The following PPHLN1 variants were observed in gnomAD, a reference collection of about 807,000 sequenced individuals.
PPHLN1 encodes periphilin-1.
A neutral mutation model predicts 51.3 loss-of-function variants in PPHLN1; 29 were observed. The ratio of observed to expected loss-of-function variants is 0.57; its 90% CI spans 0.42 to 0.77. The LOEUF (loss-of-function observed/expected upper bound fraction) is 0.77, where lower values mean the gene tolerates loss of function less well. Among genes scored for constraint, PPHLN1 ranks in the 30% least tolerant of loss-of-function variants. The pLI, the probability that PPHLN1 is intolerant of heterozygous loss-of-function variation, is 0.00. For missense variants in PPHLN1, 436 were observed against 438.4 expected (o/e 0.99, Z 0.05); for synonymous variants, 147 against 147.8 (o/e 0.99, Z 0.04).
intron 1 of PPHLN1, among the ~76,000 whole-genome samples, chr12:42,328,868 C>A (rs2069205794): frequency 6.6e-6 from 1 of 151,976 alleles, no homozygotes; most frequent in Non-Finnish European, 1.5e-5. Flanking sequence ...TCCCACCATG[C>A]CTGGTTAATT....
At chr12:42,438,743 A>AG (rs1166131344) in intron 9 of PPHLN1, among the ~76,000 whole-genome samples, 1 of 152,164 alleles carries the variant, frequency 6.6e-6, no homozygotes, top group Non-Finnish European at 1.5e-5. Flanking sequence ...CTGGGATTAC[A>AG]GGCATGCGTC....
chr12:42,351,900 C>T lies in PPHLN1; in HGVS notation c.88C>T (p.Leu30=). The T allele has an allele frequency of 6.4e-7, 1 of 1,565,502 alleles. No individual in the cohort carries two copies. The highest frequency in any genetic ancestry group is 8.6e-7 in the Non-Finnish European group (1 of 1,163,602). ...RSHPSDGYNR[L]VNIVPKKPPL... ...TCTGTTTTAGGATGGCTACAATAGA[C>T]TAGTTAATATTGTGCCAAAGAAACC... Residue 30 remains leucine, a synonymous_variant, in exon 3 of 10, where the codon CTA becomes TTA. Transcript: ENST00000358314.
intron 9 of PPHLN1, among the ~76,000 whole-genome samples, chr12:42,430,794 A>C (rs2081971463): frequency 6.6e-6 from 1 of 152,176 alleles, no homozygotes; most frequent in African/African-American, 2.4e-5. Flanking sequence ...GTGCCTGGCC[A>C]ATACACTGTG....
chr12:42,363,564 G>A (rs2074950252), intron 4 of PPHLN1, among the ~76,000 whole-genome samples: 1 of 151,386 alleles, frequency 6.6e-6, no homozygotes, highest in Non-Finnish European at 1.5e-5. Flanking sequence ...GGAATCATTG[G>A]AAGCAACTAG....
chr12:42,348,276 A>ATTTTTTTTTTTTTTT (rs1213561958), intron 2 of PPHLN1, among the ~76,000 whole-genome samples: 1 of 85,608 alleles, frequency 1.2e-5, no homozygotes, highest in African/African-American at 4.9e-5. Flanking sequence ...CACCTGGCTA[A>ATTTTTTTTTTTTTTT]TTTTTTTTTT....
chr12:42,444,733 C>G, downstream of PPHLN1: 1 of 309,412 alleles, frequency 3.2e-6, no homozygotes, highest in South Asian at 5.4e-5. Flanking sequence ...ATAGCACTCT[C>G]TGATTATGCA....
At chr12:42,447,422 GCAGTTAGCACAGCACAGCTACCCCTTAC>G (rs999974504), downstream of PPHLN1, 1 of 152,112 alleles carries the variant, frequency 6.6e-6, no homozygotes, top group Non-Finnish European at 1.5e-5. Flanking sequence ...AAGCGAATAG[GCAGTTAGCACAGCACAGCTACCCCTTAC>G]CAAGCAGTCT....
At chr12:42,379,524 C>A (rs1407747177) in intron 5 of PPHLN1, among the ~76,000 whole-genome samples, 16 of 150,448 alleles carry the variant, frequency 1.1e-4, no homozygotes, top group Admixed American at 1.1e-3. Context: ...AGACCTTTTG[C>A]TTTCCTATTT....
intron 9 of PPHLN1, among the ~76,000 whole-genome samples, chr12:42,406,208 C>G (rs1290479462): frequency 6.6e-6 from 1 of 151,794 alleles, no homozygotes; most frequent in African/African-American, 2.4e-5. Flanking sequence ...CTCAGCCTCC[C>G]GAGTAGCTGG....
Position 42,401,662 on chromosome 12 carries a change from C to T in PPHLN1, c.909+2668C>T, listed in dbSNP as rs189327720. ...AGGTTGTGTGCCCTCTCACTCCTTC[C>T]GTGGAAAAAATTGTCTTCCTCAAAA... On this transcript the variant is annotated intron_variant, in intron 9 of 9. Coordinates refer to ENST00000358314, the MANE Select transcript of PPHLN1 (RefSeq NM_201439.2). Among the ~76,000 whole-genome samples the T allele has an allele frequency of 3.6e-3, 547 of 152,070 alleles. 5 individuals carry two copies. Among genetic ancestry groups the T allele is most frequent in the African/African-American group, 0.013 (530 of 41,484 alleles).
intron 4 of PPHLN1, among the ~76,000 whole-genome samples, chr12:42,373,871 A>C (rs2076011936): frequency 6.6e-6 from 1 of 152,250 alleles, no homozygotes; most frequent in South Asian, 2.1e-4. Flanking sequence ...ATGCACACTC[A>C]GCAAGAATTT....
intron 8 of PPHLN1, among the ~76,000 whole-genome samples, chr12:42,397,615 A>G (rs150780001): frequency 3.9e-4 from 60 of 152,282 alleles, no homozygotes; most frequent in African/African-American, 1.4e-3. Context: ...GCAGTAACAG[A>G]ACACCAGTGA....
chr12:42,355,536 A>AGACCAGCC (rs1034299115), intron 4 of PPHLN1: 5 of 211,056 alleles, frequency 2.4e-5, no homozygotes, highest in Non-Finnish European at 4.7e-5. Flanking sequence ...TAGGAGTTTG[A>AGACCAGCC]TACCAGCCTG....
intron 9 of PPHLN1, among the ~76,000 whole-genome samples, chr12:42,408,281 G>A (rs2079494787): frequency 6.6e-6 from 1 of 151,942 alleles, no homozygotes; most frequent in Admixed American, 6.6e-5. Flanking sequence ...TGAGGGAGGA[G>A]GTGGATCACT....
At chr12:42,444,534 C>T (rs2083191075), downstream of PPHLN1, 1 of 152,286 alleles carries the variant, frequency 6.6e-6, no homozygotes, top group South Asian at 2.1e-4. Flanking sequence ...GCTGCACTTC[C>T]TAGAATAGGT....
At chr12:42,365,925 T>C (rs1565839157) in intron 4 of PPHLN1, among the ~76,000 whole-genome samples, 1 of 152,348 alleles carries the variant, frequency 6.6e-6, no homozygotes, top group East Asian at 1.9e-4. Context: ...CATTGTATCA[T>C]ATATGTTGAT....
intron 6 of PPHLN1, 83 bp from the exon 7 acceptor site, chr12:42,387,373 C>T: frequency 7.1e-7 from 1 of 1,416,800 alleles, no homozygotes; most frequent in Non-Finnish European, 9.6e-7. Context: ...GTGTATGACC[C>T]CCACATTAAT....
At chr12:42,419,257 C>A (rs1383815348) in intron 9 of PPHLN1, among the ~76,000 whole-genome samples, 1 of 151,082 alleles carries the variant, frequency 6.6e-6, no homozygotes, top group African/African-American at 2.4e-5. Flanking sequence ...CTTTTTTTTT[C>A]TTGAGATGGA....
chr12:42,415,001 CT>C (rs1181407648), intron 9 of PPHLN1, among the ~76,000 whole-genome samples: 2 of 152,166 alleles, frequency 1.3e-5, no homozygotes, highest in Non-Finnish European at 2.9e-5. Flanking sequence ...TCTGCTGACT[CT>C]TACTCGTGGT....
Sources: allele counts gnomAD v4.1 joint callset (sites outside exome capture counted in the v4.1 genomes callset), GRCh38; gene constraint gnomAD v4.1.1; transcripts MANE v1.5; gene names NCBI Gene and HGNC (gene_info 2026-07-23, HGNC 2026-07-21).